PRKG1: variants seen among roughly 807,000 people sequenced by gnomAD.
PRKG1 encodes protein kinase cGMP-dependent 1, also known as cGMP-dependent protein kinase 1.
A neutral mutation model predicts 88.1 loss-of-function variants in PRKG1; 35 were observed. The ratio of observed to expected loss-of-function variants is 0.40; its 90% CI spans 0.30 to 0.53. The LOEUF (loss-of-function observed/expected upper bound fraction) is 0.53, where lower values mean the gene tolerates loss of function less well. Ranked by LOEUF, PRKG1 falls within the 20% of genes least tolerant of loss-of-function variation. PRKG1 has a pLI of 0.59. For missense variants in PRKG1, 540 were observed against 839.8 expected (o/e 0.64, Z 4.41); for synonymous variants, 303 against 292.5 (o/e 1.04, Z -0.37).
chr10:52,113,541 TG>T (rs1022015334), intron 7 of PRKG1, among the ~76,000 whole-genome samples: 2 of 152,062 alleles, frequency 1.3e-5, no homozygotes, highest in African/African-American at 4.8e-5. Flanking sequence ...CCTACAATCT[TG>T]GGGTAGATTG....
intron 2 of PRKG1, among the ~76,000 whole-genome samples, chr10:51,416,422 G>C (rs78935088): frequency 0.018 from 2,700 of 152,188 alleles, 77 homozygotes; most frequent in African/African-American, 0.061. Context: ...ATCTTGATCA[G>C]AAACAATTAG....
At chr10:52,254,273 A>T (rs1458077985) in intron 10 of PRKG1, among the ~76,000 whole-genome samples, 1 of 152,000 alleles carries the variant, frequency 6.6e-6, no homozygotes, top group Non-Finnish European at 1.5e-5. Flanking sequence ...TCTGAGAATG[A>T]CGCATGCAAG....
At chr10:51,534,528 C>T (rs1262873197) in intron 3 of PRKG1, among the ~76,000 whole-genome samples, 2 of 136,170 alleles carry the variant, frequency 1.5e-5, no homozygotes, top group East Asian at 2.3e-4. Flanking sequence ...ATTAGCCGGG[C>T]GAGGTGGCGG....
chr10:52,046,385 C>T (rs1258105209), intron 5 of PRKG1, among the ~76,000 whole-genome samples: 1 of 152,010 alleles, frequency 6.6e-6, no homozygotes, highest in Non-Finnish European at 1.5e-5. Context: ...CCCCTTCTTC[C>T]CCATCCAGTG....
Position 52,256,635 on chromosome 10 carries a change from G to A in PRKG1, c.1173+4969G>A, listed in dbSNP as rs139247306. On this transcript the variant is annotated intron_variant, in intron 10 of 17. Coordinates refer to ENST00000373980, the MANE Select transcript of PRKG1 (RefSeq NM_006258.4). ...TGTTATTGTTGCTATTATTATTAAA[G>A]CATGCTAATGATAGTTCTTTTTATT... 1.4e-3 allele frequency among the ~76,000 whole-genome samples: 198 copies of A among 139,760 alleles called. 16 individuals are homozygous for A. Among genetic ancestry groups the A allele is most frequent in the African/African-American group, 4.6e-3 (188 of 40,472 alleles). The allele number at this position is 139,760 out of a possible 152,430, so 91.7% of individuals were successfully genotyped here.
chr10:51,841,801 G>A (rs1221246669), intron 4 of PRKG1, among the ~76,000 whole-genome samples: 1 of 152,072 alleles, frequency 6.6e-6, no homozygotes, highest in African/African-American at 2.4e-5. Flanking sequence ...TCCTGCCTCG[G>A]CCTCCTGAGT....
At chr10:51,481,395 C>G (rs1268222198) in intron 3 of PRKG1, among the ~76,000 whole-genome samples, 1 of 151,964 alleles carries the variant, frequency 6.6e-6, no homozygotes, top group Non-Finnish European at 1.5e-5. Context: ...TTACAGGTGC[C>G]CACCACCATG....
intron 9 of PRKG1, chr10:52,242,337 C>G (rs972987487): frequency 2.0e-5 from 3 of 152,132 alleles, no homozygotes; most frequent in Non-Finnish European, 2.9e-5. Flanking sequence ...AGAATTTCCT[C>G]AGATCCCAGC....
chr10:51,269,822 T>C (rs1201025585), intron 2 of PRKG1, among the ~76,000 whole-genome samples: 1 of 152,150 alleles, frequency 6.6e-6, no homozygotes, highest in Non-Finnish European at 1.5e-5. Flanking sequence ...AATGAACTTA[T>C]CCATGTAAAC....
intron 2 of PRKG1, among the ~76,000 whole-genome samples, chr10:51,173,678 G>T (rs1837114065): frequency 6.6e-6 from 1 of 151,750 alleles, no homozygotes; most frequent in African/African-American, 2.4e-5. Context: ...CTTTTATCAT[G>T]CATGACAAGT....
chr10:51,493,920 G>A (rs1389196708), intron 3 of PRKG1, among the ~76,000 whole-genome samples: 1 of 152,102 alleles, frequency 6.6e-6, no homozygotes, highest in African/African-American at 2.4e-5. Context: ...GAATTACAGG[G>A]ACTATAGATT....
intron 2 of PRKG1, among the ~76,000 whole-genome samples, chr10:51,322,814 C>T (rs1841489916): frequency 6.6e-6 from 1 of 152,166 alleles, no homozygotes; most frequent in African/African-American, 2.4e-5. Context: ...GGATACCTTT[C>T]TACCCTCAAA....
At chr10:51,484,255 C>T (rs563170489) in intron 3 of PRKG1, among the ~76,000 whole-genome samples, 2 of 152,250 alleles carry the variant, frequency 1.3e-5, no homozygotes, top group East Asian at 1.9e-4. Context: ...GTCCCTTTAC[C>T]TGAGCCCTAT....
intron 5 of PRKG1, among the ~76,000 whole-genome samples, chr10:52,007,632 C>T (rs1844771998): frequency 6.6e-6 from 1 of 152,152 alleles, no homozygotes; most frequent in Non-Finnish European, 1.5e-5. Context: ...AAAGCACATT[C>T]TTAGAGACTT....
chr10:51,315,558 T>C (rs1038021834), intron 2 of PRKG1, among the ~76,000 whole-genome samples: 1 of 152,204 alleles, frequency 6.6e-6, no homozygotes, highest in Non-Finnish European at 1.5e-5. Flanking sequence ...TAGTGTATTT[T>C]GAATTTGGCC....
intron 3 of PRKG1, among the ~76,000 whole-genome samples, chr10:51,661,759 G>T (rs1840305064): frequency 6.6e-6 from 1 of 152,228 alleles, no homozygotes; most frequent in East Asian, 1.9e-4. Context: ...AAATCATGCT[G>T]CTATAAAGAC....
intron 3 of PRKG1, among the ~76,000 whole-genome samples, chr10:51,489,167 T>C (rs1840633963): frequency 6.6e-6 from 1 of 152,078 alleles, no homozygotes. Flanking sequence ...CACCATAGAA[T>C]GTAAATAACA....
intron 1 of PRKG1, among the ~76,000 whole-genome samples, chr10:51,008,849 CA>C (rs1344784174): frequency 1.3e-5 from 2 of 152,260 alleles, no homozygotes; most frequent in East Asian, 3.9e-4. Flanking sequence ...ATTTATGATA[CA>C]AGGTTTTGTG....
chr10:51,290,506 A>C lies in PRKG1; in HGVS notation c.478+137176A>C, dbSNP rs7088305. Among the ~76,000 whole-genome samples the C allele has an allele frequency of 7.0e-3, 1,068 of 152,268 alleles. 11 individuals carry two copies. Among genetic ancestry groups the C allele is most frequent in the African/African-American group, 0.024 (980 of 41,562 alleles). Reference sequence around the variant, plus strand: ...TTTTTGTAATGGTCTGACTTCTTACATCACAATATGTAGAGATCCACTTAG... The same window carrying C: ...TTTTTGTAATGGTCTGACTTCTTACCTCACAATATGTAGAGATCCACTTAG... On this transcript the variant is annotated intron_variant, in intron 2 of 17. Coordinates refer to ENST00000373980, the MANE Select transcript of PRKG1 (RefSeq NM_006258.4).
Sources: gnomAD v4.1 joint callset for allele counts (sites outside exome capture counted in the v4.1 genomes callset) on GRCh38, gnomAD v4.1.1 for gene constraint, MANE v1.5 for transcripts, NCBI Gene and HGNC (gene_info 2026-07-23, HGNC 2026-07-21) for gene names.